Variants in NRG1 observed in about 807,000 individuals in gnomAD.
NRG1 encodes neuregulin 1, also known as pro-neuregulin-1, membrane-bound isoform.
Under a neutral mutation model 63.8 loss-of-function variants are expected in NRG1, and 18 were observed. That is an observed-to-expected ratio of 0.28 (90% CI 0.19 to 0.42). The LOEUF (loss-of-function observed/expected upper bound fraction) is 0.42, where lower values mean the gene tolerates loss of function less well. Among genes scored for constraint, NRG1 ranks in the 10% least tolerant of loss-of-function variants. The pLI is 1.00. For synonymous variants in NRG1, 302 were observed against 301.3 expected (o/e 1.00, Z -0.02); for missense variants, 762 against 814.7 (o/e 0.94, Z 0.79).
chr8:31,670,907 G>A (rs1411531010), intron 1 of NRG1, among the ~76,000 whole-genome samples: 1 of 152,214 alleles, frequency 6.6e-6, no homozygotes, highest in African/African-American at 2.4e-5. Context: ...CATCACCCAG[G>A]TAATCAACAT....
At chr8:31,977,089 G>A (rs1808319357) in intron 1 of NRG1, among the ~76,000 whole-genome samples, 1 of 152,002 alleles carries the variant, frequency 6.6e-6, no homozygotes, top group Non-Finnish European at 1.5e-5. Context: ...AGTTTCTTGG[G>A]CAAATTACCA....
At chr8:32,332,079 A>T (rs1802722890) in intron 1 of NRG1, among the ~76,000 whole-genome samples, 1 of 152,060 alleles carries the variant, frequency 6.6e-6, no homozygotes, top group Admixed American at 6.6e-5. Context: ...TGAACCCAGG[A>T]GTTTGAGACC....
At chr8:31,839,909 C>T (rs570587874) in intron 1 of NRG1, among the ~76,000 whole-genome samples, 7 of 152,060 alleles carry the variant, frequency 4.6e-5, no homozygotes, top group African/African-American at 1.4e-4. Flanking sequence ...GAGAGGGGGC[C>T]AGGAGGAAAA....
chr8:32,395,967 C>T (rs1457703304), intron 1 of NRG1, among the ~76,000 whole-genome samples: 1 of 152,154 alleles, frequency 6.6e-6, no homozygotes, highest in Non-Finnish European at 1.5e-5. Flanking sequence ...TCCTAAGCAT[C>T]TTTTGCCCAA....
rs569938723 is a variant in NRG1 at position 32,199,872 on chromosome 8, T to C, written c.38-395956T>C. The stretch of plus-strand genomic sequence containing the variant: ...TTAGTTCACTGCAACCTCCGCCTCC[T>C]GGGTTCATGTGATTCTACTGCCTCA... On this transcript the variant is annotated intron_variant, in intron 1 of 10. Coordinates refer to the NRG1 transcript ENST00000519301. Among the ~76,000 whole-genome samples, 8 of 152,266 alleles carry C rather than the reference T, an allele frequency of 5.3e-5. No individual in the cohort carries two copies. The South Asian group carries it at 1.2e-3, about 24-fold the overall frequency.
intron 1 of NRG1, among the ~76,000 whole-genome samples, chr8:32,254,572 G>A (rs552750697): frequency 1.3e-5 from 2 of 152,144 alleles, no homozygotes; most frequent in African/African-American, 4.8e-5. Flanking sequence ...CTTTGTGTTT[G>A]CTGAGGAGTG....
intron 1 of NRG1, among the ~76,000 whole-genome samples, chr8:31,694,138 C>A (rs1326305562): frequency 1.3e-5 from 2 of 152,158 alleles, no homozygotes; most frequent in East Asian, 1.9e-4. Context: ...CCATTGTGCC[C>A]AGCCCACTCT....
At chr8:32,113,272 G>C (rs1268544438) in intron 1 of NRG1, among the ~76,000 whole-genome samples, 4 of 152,164 alleles carry the variant, frequency 2.6e-5, no homozygotes, top group African/African-American at 9.7e-5. Flanking sequence ...GCACGGGGAA[G>C]CCAAGTTATT....
chr8:32,266,317 C>T (rs1563249947), intron 1 of NRG1, among the ~76,000 whole-genome samples: 1 of 152,178 alleles, frequency 6.6e-6, no homozygotes, highest in Non-Finnish European at 1.5e-5. Context: ...GGAAGTGAAG[C>T]TACTTCCTCA....
intron 6 of NRG1, among the ~76,000 whole-genome samples, chr8:32,740,442 C>T (rs1296769487): frequency 6.6e-6 from 1 of 152,120 alleles, no homozygotes; most frequent in Non-Finnish European, 1.5e-5. Flanking sequence ...TGTGATCTTC[C>T]CACCTCAGCC....
chr8:32,367,824 A>G (rs772083935), intron 1 of NRG1, among the ~76,000 whole-genome samples: 2 of 152,158 alleles, frequency 1.3e-5, no homozygotes, highest in African/African-American at 2.4e-5. Flanking sequence ...TAAGTCTTCA[A>G]TCCATTTTGG....
At chr8:32,329,487 A>G (rs1802391917) in intron 1 of NRG1, among the ~76,000 whole-genome samples, 1 of 152,176 alleles carries the variant, frequency 6.6e-6, no homozygotes, top group South Asian at 2.1e-4. Flanking sequence ...AAACTATAAC[A>G]CTCAAAATAA....
rs1339572843 is a variant in NRG1, at chr8:32,742,745, C to G, written c.691+12C>G. On this transcript the variant is annotated intron_variant, in intron 7 of 11. Coordinates refer to ENST00000356819, the Ensembl canonical transcript of NRG1. This position sits in a 1 kb window ranked among gnomAD's most constrained non-coding sequence, Gnocchi z 4.2. ...GGCCAGCTTCTACAGTACGTCCACT[C>G]CCTTTCTGTCTCTGCCTGAATAGGA... 6.2e-7 allele frequency: 1 copy of G among 1,613,738 alleles called. No individual in the cohort carries two copies. Among genetic ancestry groups the G allele is most frequent in the Non-Finnish European group, 8.5e-7 (1 of 1,179,724 alleles).
intron 5 of NRG1, among the ~76,000 whole-genome samples, chr8:32,661,669 T>A (rs1802889360): frequency 6.6e-6 from 1 of 151,998 alleles, no homozygotes; most frequent in African/African-American, 2.4e-5. Context: ...ATAAATTAGA[T>A]AATTCTTTAA....
intron 1 of NRG1, among the ~76,000 whole-genome samples, chr8:32,385,113 AG>A (rs1370880958): frequency 2.0e-5 from 3 of 152,038 alleles, no homozygotes; most frequent in Non-Finnish European, 4.4e-5. Flanking sequence ...TCCGCCTCCC[AG>A]GTGCATGCCA....
chr8:32,370,800 G>C (rs1373263846), intron 1 of NRG1, among the ~76,000 whole-genome samples: 1 of 132,990 alleles, frequency 7.5e-6, no homozygotes, highest in East Asian at 2.6e-4. Flanking sequence ...GGATGTTGCA[G>C]TGAGCCAAGA....
intron 1 of NRG1, among the ~76,000 whole-genome samples, chr8:32,125,528 C>A (rs1487321385): frequency 1.3e-5 from 2 of 151,922 alleles, no homozygotes; most frequent in South Asian, 2.1e-4. Context: ...CTATCCTACT[C>A]AAAAATCTGC....
chr8:31,997,940 G>A (rs2129633643), intron 1 of NRG1, among the ~76,000 whole-genome samples: 1 of 152,102 alleles, frequency 6.6e-6, no homozygotes, highest in African/African-American at 2.4e-5. Flanking sequence ...AATGGAATAA[G>A]TAAGTCTCAA....
chr8:32,475,785 A>T (rs1005059872), intron 1 of NRG1, among the ~76,000 whole-genome samples: 3 of 152,212 alleles, frequency 2.0e-5, no homozygotes, highest in African/African-American at 7.2e-5. Context: ...TAGAGCTTAA[A>T]TAAATCTAGA....
Sources: gnomAD v4.1 joint callset for allele counts (sites outside exome capture counted in the v4.1 genomes callset) on GRCh38, gnomAD v4.1.1 for gene constraint, Gnocchi (gnomAD v3.1) non-coding constraint, MANE v1.5 for transcripts, NCBI Gene and HGNC (gene_info 2026-07-23, HGNC 2026-07-21) for gene names.